The following PHACTR1 variants were observed in gnomAD, a reference collection of about 807,000 sequenced individuals.
PHACTR1 encodes the protein RPEL repeat containing 1.
In PHACTR1, 16 loss-of-function variants were observed where a neutral mutation model predicts 69.2. That is an observed-to-expected ratio of 0.23 (90% CI 0.16 to 0.35). The LOEUF (loss-of-function observed/expected upper bound fraction) is 0.35. Ranked by LOEUF, PHACTR1 falls within the 10% of genes least tolerant of loss-of-function variation. The pLI, the probability that PHACTR1 is intolerant of heterozygous loss-of-function variation, is 1.00. For missense variants in PHACTR1, 510 were observed against 734.7 expected (o/e 0.69, Z 3.54); for synonymous variants, 312 against 284.5 (o/e 1.10, Z -0.97).
intron 5 of PHACTR1, among the ~76,000 whole-genome samples, chr6:13,149,036 C>T (rs1046628266): frequency 1.7e-4 from 26 of 152,092 alleles, no homozygotes; most frequent in African/African-American, 3.9e-4. Flanking sequence ...TTAGGGTTTT[C>T]GGTTGTGTTT....
chr6:13,157,342 C>T (rs1006525786), intron 5 of PHACTR1, among the ~76,000 whole-genome samples: 5 of 152,244 alleles, frequency 3.3e-5, no homozygotes, highest in African/African-American at 9.6e-5. Flanking sequence ...TTAAGGAGGA[C>T]TGATCTTAAC....
In PHACTR1 at chr6:13,084,179, G is replaced by A. The variant is rs187238824; in HGVS notation, c.415+30650G>A. 1.4e-4 allele frequency among the ~76,000 whole-genome samples: 22 copies of A among 152,056 alleles called. No homozygotes were observed. The East Asian group carries it at 4.1e-3, about 28-fold the overall frequency. ...GAAAATGTGGCACATATATACCATGGAATACTATGCAGCCATAAAAAATGA... is the reference window on the plus strand; with the variant it reads ...GAAAATGTGGCACATATATACCATGAAATACTATGCAGCCATAAAAAATGA... On this transcript the variant is annotated intron_variant, in intron 5 of 14. Coordinates refer to ENST00000332995, the MANE Select transcript of PHACTR1 (RefSeq NM_030948.6).
rs1391799296 is a variant in PHACTR1 at position 13,245,299 on chromosome 6, T to A, written c.1391+15106T>A. Reference sequence around the variant, plus strand: ...GCTGTTTACAATCCCACCAGTAGCATGTAAGCATTCTCTTTTCCCCACAAC... The same window carrying A: ...GCTGTTTACAATCCCACCAGTAGCAAGTAAGCATTCTCTTTTCCCCACAAC... On this transcript the variant is annotated intron_variant, in intron 10 of 14. Coordinates refer to ENST00000332995, the MANE Select transcript of PHACTR1 (RefSeq NM_030948.6). The surrounding 1 kb of genome is among the most constrained non-coding windows in gnomAD (Gnocchi z 4.1). Among the ~76,000 whole-genome samples, 2 of 152,240 alleles carry A rather than the reference T, an allele frequency of 1.3e-5. No individual in the cohort carries two copies. Among genetic ancestry groups the A allele is most frequent in the Non-Finnish European group, 2.9e-5 (2 of 68,034 alleles).
intron 4 of PHACTR1, among the ~76,000 whole-genome samples, chr6:12,975,288 A>G (rs898821201): frequency 1.3e-5 from 2 of 152,232 alleles, no homozygotes; most frequent in Admixed American, 1.3e-4. Flanking sequence ...ATGGACATGG[A>G]CCAGAAAATT....
intron 10 of PHACTR1, among the ~76,000 whole-genome samples, chr6:13,236,717 G>C (rs1772044293): frequency 6.6e-6 from 1 of 152,134 alleles, no homozygotes; most frequent in Non-Finnish European, 1.5e-5. Flanking sequence ...GATTATCCCT[G>C]TAAAGACCCT....
At chr6:12,728,514 T>C (rs557378964) in intron 3 of PHACTR1, among the ~76,000 whole-genome samples, 6 of 152,292 alleles carry the variant, frequency 3.9e-5, no homozygotes, top group Admixed American at 2.6e-4. Flanking sequence ...AGCTTTAGAA[T>C]TGCACAGCTC....
At chr6:13,258,988 G>T (rs1011477210) in intron 10 of PHACTR1, among the ~76,000 whole-genome samples, 1 of 152,216 alleles carries the variant, frequency 6.6e-6, no homozygotes, top group South Asian at 2.1e-4. Flanking sequence ...CGCAGGGATG[G>T]TTGGAGGAGT....
chr6:12,783,316 C>T (rs1771067315), intron 4 of PHACTR1, among the ~76,000 whole-genome samples: 1 of 152,154 alleles, frequency 6.6e-6, no homozygotes, highest in African/African-American at 2.4e-5. Flanking sequence ...ATACACTGAC[C>T]AGAATCTATA....
intron 4 of PHACTR1, among the ~76,000 whole-genome samples, chr6:12,791,976 G>T (rs957891265): frequency 6.6e-6 from 1 of 152,138 alleles, no homozygotes; most frequent in Non-Finnish European, 1.5e-5. Context: ...TAAAGTAATG[G>T]GTGATATCTA....
intron 7 of PHACTR1, among the ~76,000 whole-genome samples, chr6:13,201,695 G>A (rs1346398556): frequency 1.3e-5 from 2 of 152,194 alleles, no homozygotes; most frequent in African/African-American, 4.8e-5. Flanking sequence ...AGCTTAGATG[G>A]AAGTTCAGAA....
chr6:13,140,676 C>T (rs1242481425), intron 5 of PHACTR1, among the ~76,000 whole-genome samples: 2 of 152,070 alleles, frequency 1.3e-5, no homozygotes, highest in African/African-American at 2.4e-5. Context: ...ACAAAGTTTT[C>T]GTTTTACAAG....
At chr6:13,176,068 GCC>G (rs1761279124) in intron 6 of PHACTR1, among the ~76,000 whole-genome samples, 1 of 152,134 alleles carries the variant, frequency 6.6e-6, no homozygotes, top group African/African-American at 2.4e-5. Flanking sequence ...GCAAGCAGAA[GCC>G]CTGGGGAAAA....
At chr6:13,138,647 T>C (rs1252110381) in intron 5 of PHACTR1, among the ~76,000 whole-genome samples, 5 of 152,140 alleles carry the variant, frequency 3.3e-5, no homozygotes, top group African/African-American at 1.2e-4. Context: ...AGAGGAACTG[T>C]CTCAAGTTTG....
intron 4 of PHACTR1, among the ~76,000 whole-genome samples, chr6:12,881,705 C>T (rs1268031526): frequency 6.6e-6 from 1 of 151,904 alleles, no homozygotes; most frequent in African/African-American, 2.4e-5. Context: ...TCTCTAGGGC[C>T]CAGAAAAGTG....
intron 4 of PHACTR1, among the ~76,000 whole-genome samples, chr6:12,992,396 A>G (rs1427881880): frequency 1.3e-5 from 2 of 152,240 alleles, no homozygotes; most frequent in African/African-American, 4.8e-5. Context: ...AGTGTTAATT[A>G]TTTAATTTAA....
intron 10 of PHACTR1, chr6:13,265,010 G>T (rs1410045717): frequency 1.4e-5 from 2 of 143,876 alleles, no homozygotes; most frequent in Admixed American, 1.4e-4. Flanking sequence ...TGACCAGAGT[G>T]AGGCCCCATC....
intron 4 of PHACTR1, among the ~76,000 whole-genome samples, chr6:12,887,151 A>C (rs1359857165): frequency 1.3e-5 from 2 of 152,056 alleles, no homozygotes; most frequent in African/African-American, 4.8e-5. Flanking sequence ...ACTTTACTTC[A>C]GCCAGTCCCT....
chr6:13,284,342 AC>A (rs1331221236), intron 13 of PHACTR1, among the ~76,000 whole-genome samples: 1 of 150,878 alleles, frequency 6.6e-6, no homozygotes, highest in African/African-American at 2.4e-5. Flanking sequence ...ACATGATGAA[AC>A]CCCATCTCTA....
intron 4 of PHACTR1, among the ~76,000 whole-genome samples, chr6:12,816,302 T>C (rs1775573572): frequency 6.6e-6 from 1 of 152,240 alleles, no homozygotes; most frequent in Non-Finnish European, 1.5e-5. Context: ...CAAAGAATGA[T>C]GTCATCTCTT....
Sources: gnomAD v4.1 joint callset for allele counts (sites outside exome capture counted in the v4.1 genomes callset) on GRCh38, gnomAD v4.1.1 for gene constraint, Gnocchi (gnomAD v3.1) non-coding constraint, MANE v1.5 for transcripts, NCBI Gene and HGNC (gene_info 2026-07-23, HGNC 2026-07-21) for gene names.